The following GRID2 variants were observed in gnomAD, a reference collection of about 807,000 sequenced individuals.
GRID2 encodes glutamate receptor ionotropic, delta-2.
In GRID2, 33 loss-of-function variants were observed where a neutral mutation model predicts 114.8. The ratio of observed to expected loss-of-function variants is 0.29; its 90% CI spans 0.22 to 0.38. The LOEUF (loss-of-function observed/expected upper bound fraction) is 0.38, where lower values mean the gene tolerates loss of function less well. Among genes scored for constraint, GRID2 ranks in the 10% least tolerant of loss-of-function variants. The pLI, the probability that GRID2 is intolerant of heterozygous loss-of-function variation, is 1.00. For missense variants in GRID2, 1,184 were observed against 1,257.7 expected (o/e 0.94, Z 0.89); for synonymous variants, 505 against 449.9 (o/e 1.12, Z -1.55).
chr4:92,665,712 G>GT (rs148396155), intron 2 of GRID2, among the ~76,000 whole-genome samples: 4,930 of 146,554 alleles, frequency 0.034, 255 homozygotes, highest in African/African-American at 0.11. Flanking sequence ...TGGTTGACAT[G>GT]TTTTTTTTTT....
chr4:93,202,415 T>A (rs1253451802), intron 4 of GRID2, among the ~76,000 whole-genome samples: 1 of 152,122 alleles, frequency 6.6e-6, no homozygotes, highest in Non-Finnish European at 1.5e-5. Flanking sequence ...GCAATCAAAT[T>A]TCTTAATTCC....
chr4:93,533,765 GTC>G (rs765352681), intron 13 of GRID2, among the ~76,000 whole-genome samples: 158 of 151,862 alleles, frequency 1.0e-3, no homozygotes, highest in Non-Finnish European at 1.9e-3. Flanking sequence ...AGCCATCACT[GTC>G]TCTTTCCTGG....
intron 2 of GRID2, among the ~76,000 whole-genome samples, chr4:93,052,241 A>G (rs903020346): frequency 3.9e-5 from 6 of 151,996 alleles, no homozygotes; most frequent in Non-Finnish European, 5.9e-5. Flanking sequence ...CAAGTTTCTC[A>G]TCTAAGTACA....
intron 8 of GRID2, among the ~76,000 whole-genome samples, chr4:93,357,465 G>T (rs1761452175): frequency 6.6e-6 from 1 of 150,534 alleles, no homozygotes. Context: ...TCCTATTTTT[G>T]GGGGAAGTTT....
chr4:92,374,079 A>G (rs1729242742), intron 1 of GRID2, among the ~76,000 whole-genome samples: 1 of 151,978 alleles, frequency 6.6e-6, no homozygotes, highest in Non-Finnish European at 1.5e-5. Context: ...CCTCCTCAGC[A>G]AGGGCTCTTT....
At chr4:92,988,179 A>G (rs964241815) in intron 2 of GRID2, among the ~76,000 whole-genome samples, 8 of 152,152 alleles carry the variant, frequency 5.3e-5, no homozygotes, top group Non-Finnish European at 2.9e-5. Flanking sequence ...CTTCTGGCTC[A>G]GGGTTCATTA....
chr4:93,328,040 G>A (rs762913263), intron 8 of GRID2, among the ~76,000 whole-genome samples: 21 of 151,802 alleles, frequency 1.4e-4, no homozygotes, highest in South Asian at 8.3e-4. Flanking sequence ...CTGGCCGGGC[G>A]CAGTGGCTCA....
chr4:93,789,474 T>A (rs570355924), intron 1 of GRID2, among the ~76,000 whole-genome samples: 1 of 152,316 alleles, frequency 6.6e-6, no homozygotes, highest in South Asian at 2.1e-4. Context: ...AAATGGTAAC[T>A]TAGCCAGTGA....
intron 2 of GRID2, among the ~76,000 whole-genome samples, chr4:92,987,703 G>T (rs1022376106): frequency 2.4e-4 from 37 of 151,926 alleles, no homozygotes; most frequent in Non-Finnish European, 4.9e-4. Flanking sequence ...TATGGTTTTT[G>T]AAATATTTTA....
chr4:92,533,414 T>C (rs1008858229), intron 1 of GRID2, among the ~76,000 whole-genome samples: 4 of 151,892 alleles, frequency 2.6e-5, no homozygotes, highest in African/African-American at 9.7e-5. Context: ...AAAGAGATAT[T>C]GTGAAAAATC....
At chr4:92,773,671 T>G (rs1738643843) in intron 2 of GRID2, among the ~76,000 whole-genome samples, 1 of 152,032 alleles carries the variant, frequency 6.6e-6, no homozygotes, top group African/African-American at 2.4e-5. Flanking sequence ...CCATACAGTT[T>G]AATGAAAAAG....
At chr4:92,721,572 CAG>C (rs1050736899) in intron 2 of GRID2, among the ~76,000 whole-genome samples, 4 of 151,946 alleles carry the variant, frequency 2.6e-5, no homozygotes, top group African/African-American at 9.7e-5. Flanking sequence ...ACTAAAAAGA[CAG>C]TACTTTTCAA....
chr4:92,535,298 C>T (rs1725559294), intron 1 of GRID2, among the ~76,000 whole-genome samples: 1 of 152,082 alleles, frequency 6.6e-6, no homozygotes, highest in African/African-American at 2.4e-5. Flanking sequence ...CAAAGTAAAG[C>T]ACTCATTCCA....
At chr4:92,665,252 C>G (rs1370688095) in intron 2 of GRID2, among the ~76,000 whole-genome samples, 3 of 148,158 alleles carry the variant, frequency 2.0e-5, no homozygotes, top group Non-Finnish European at 4.5e-5. Context: ...AGTCATAACA[C>G]TCTAGTTTGA....
chr4:93,793,430 G>A (rs1201804021), intron 1 of GRID2, among the ~76,000 whole-genome samples: 1 of 152,068 alleles, frequency 6.6e-6, no homozygotes, highest in Non-Finnish European at 1.5e-5. Context: ...CTAGAACAAT[G>A]CCCTGACTTT....
At chr4:93,517,529 C>A (rs1169793553) in intron 13 of GRID2, among the ~76,000 whole-genome samples, 2 of 151,888 alleles carry the variant, frequency 1.3e-5, no homozygotes. Context: ...TTTCTTTCAA[C>A]CCAAATTAGA....
At chr4:92,868,431 C>T (rs545121014) in intron 2 of GRID2, among the ~76,000 whole-genome samples, 1 of 152,250 alleles carries the variant, frequency 6.6e-6, no homozygotes, top group African/African-American at 2.4e-5. Flanking sequence ...ATTTTGCTCC[C>T]ATACATACGA....
chr4:93,128,448 G>A (rs1734501414), intron 4 of GRID2, among the ~76,000 whole-genome samples: 1 of 152,114 alleles, frequency 6.6e-6, no homozygotes, highest in Non-Finnish European at 1.5e-5. Flanking sequence ...GAACTCCAGT[G>A]GCTCACAAGA....
At chr4:92,608,051 A>C (rs1401957245) in intron 2 of GRID2, among the ~76,000 whole-genome samples, 1 of 151,876 alleles carries the variant, frequency 6.6e-6, no homozygotes, top group Admixed American at 6.6e-5. Context: ...TGAAAGGAGA[A>C]AAAGTCTAAG....
Sources: allele counts gnomAD v4.1 joint callset (sites outside exome capture counted in the v4.1 genomes callset), GRCh38; gene constraint gnomAD v4.1.1; transcripts MANE v1.5; gene names NCBI Gene and HGNC (gene_info 2026-07-23, HGNC 2026-07-21).